The following GAREM2 variants were observed in gnomAD, a reference collection of about 807,000 sequenced individuals.
GAREM2 encodes the protein GRB2 associated regulator of MAPK1 subtype 2, also known as GRB2-associated and regulator of MAPK protein 2.
Under a neutral mutation model 55.6 loss-of-function variants are expected in GAREM2, and 30 were observed. The ratio of observed to expected loss-of-function variants is 0.54; its 90% CI spans 0.40 to 0.73. The LOEUF (loss-of-function observed/expected upper bound fraction) is 0.73. Among genes scored for constraint, GAREM2 ranks in the 30% least tolerant of loss-of-function variants. GAREM2 has a pLI of 0.00. For synonymous variants in GAREM2, 550 were observed against 569.1 expected (o/e 0.97, Z 0.48); for missense variants, 1,075 against 1,257.7 (o/e 0.85, Z 2.20).
At position 26,176,203 on chromosome 2, in the gene GAREM2, C is replaced by T. The variant is rs558626343; in HGVS notation, c.113-141C>T. On this transcript the variant is annotated intron_variant, in intron 1 of 5. Transcript: ENST00000401533. ...GCTGGCAGCCCGCCTGTCCCTTGAG[C>T]TTTGCTGACCTGGACAGGGATTGTG... 2.6e-5 allele frequency: 20 copies of T among 770,908 alleles called. No individual in the cohort carries two copies. The African/African-American group carries it at 3.5e-4, about 13-fold the overall frequency. 47.8% of individuals were successfully genotyped at this position (770,908 alleles called of 1,614,324 possible).
rs1215670578 is a variant in GAREM2 at position 26,188,121 on chromosome 2, T to G, written c.2489T>G (p.Phe830Cys). Residue 830 changes from phenylalanine (F) to cysteine (C), a missense_variant, in exon 6 of 6, where the codon TTC (phenylalanine) becomes TGC (cysteine). By Grantham distance (205) the Phe-to-Cys change is radical (BLOSUM62 -2). Coordinates refer to ENST00000401533, the MANE Select transcript of GAREM2 (RefSeq NM_001168241.2). ...GGGCTCTCAGAGGATGTGGTGAGCT[T>G]CTTTGCCCGAGAACGCATCGATGGT... is the stretch of plus-strand genomic sequence containing the variant. ...FIGLSEDVVS[F>C]FARERIDGSI... The G allele has an allele frequency of 3.2e-5, 49 of 1,551,352 alleles. 1 individual carries two copies. The Admixed American group carries it at 8.8e-4, about 28-fold the overall frequency.
intron 2 of GAREM2, chr2:26,182,070 A>T: frequency 1.9e-6 from 2 of 1,046,866 alleles, no homozygotes; most frequent in East Asian, 1.6e-4. Context: ...ATAAAGCTTG[A>T]GAAGAGGCCA....
the GAREM2 span, chr2:26,201,385 G>T: frequency 9.1e-7 from 1 of 1,103,906 alleles, no homozygotes. Context: ...GAATGTCCAT[G>T]GGCCAGAGCA....
chr2:26,183,190 C>CAAG (rs1669110913), intron 3 of GAREM2, 93 bp downstream of exon 3: 2 of 1,417,562 alleles, frequency 1.4e-6, no homozygotes, highest in African/African-American at 1.4e-5. Flanking sequence ...CCTCAGGATC[C>CAAG]AAGAAGGAGA....
chr2:26,191,708 C>A, downstream of GAREM2: 2 of 1,444,522 alleles, frequency 1.4e-6, no homozygotes, highest in South Asian at 2.3e-5. Flanking sequence ...GAATGGAAGT[C>A]GGGATGGGTG....
At chr2:26,182,266 G>A (rs891251253) in intron 2 of GAREM2, 61 of 1,431,520 alleles carry the variant, frequency 4.3e-5, no homozygotes, top group Middle Eastern at 2.6e-4. Flanking sequence ...CGCAGCCCCA[G>A]ACTGCAGGTT....
chr2:26,189,868 C>T (rs1669437761), downstream of GAREM2, among the ~76,000 whole-genome samples: 1 of 152,202 alleles, frequency 6.6e-6, no homozygotes, highest in African/African-American at 2.4e-5. Context: ...CAAGAACCCC[C>T]ACCCCAGCTT....
At chr2:26,178,497 G>A (rs1171252329) in intron 2 of GAREM2, among the ~76,000 whole-genome samples, 1 of 152,146 alleles carries the variant, frequency 6.6e-6, no homozygotes, top group African/African-American at 2.4e-5. Context: ...GCCAGGTGGG[G>A]GGGATCCCTT....
chr2:26,203,873 T>C, the GAREM2 span, among the ~76,000 whole-genome samples: 6 of 152,268 alleles, frequency 3.9e-5, no homozygotes, highest in Admixed American at 6.5e-5. Context: ...AAAGAAGGAA[T>C]TGGCATTTCT....
In GAREM2 at chr2:26,186,374, C is replaced by G; in HGVS notation, c.1598+16C>G. On this transcript the variant is annotated intron_variant, in intron 5 of 5. Coordinates refer to ENST00000401533, the MANE Select transcript of GAREM2 (RefSeq NM_001168241.2). ...TCCAGGATGGGTGAGTCCCTGCCTT[C>G]CCTTGGTCCTGAGTTCTAAGGTAGA... 6.4e-7 allele frequency: 1 copy of G among 1,550,784 alleles called. No homozygotes were observed. Among genetic ancestry groups the G allele is most frequent in the Non-Finnish European group, 8.7e-7 (1 of 1,146,106 alleles).
At chr2:26,182,289 T>C in intron 2 of GAREM2, 1 of 1,439,374 alleles carries the variant, frequency 6.9e-7, no homozygotes, top group Non-Finnish European at 9.1e-7. Flanking sequence ...GAAGGCCTAC[T>C]CTCAGGGAGG....
downstream of GAREM2, chr2:26,190,996 GC>G: frequency 5.3e-6 from 3 of 570,404 alleles, no homozygotes; most frequent in Non-Finnish European, 9.4e-6. Flanking sequence ...GCTCTTGGCT[GC>G]CACTCTAGGC....
intron 1 of GAREM2, among the ~76,000 whole-genome samples, chr2:26,173,919 G>A (rs1238318770): frequency 6.6e-6 from 1 of 152,140 alleles, no homozygotes; most frequent in Admixed American, 6.5e-5. Flanking sequence ...GCCCTCCCCC[G>A]AATCTTGTCC....
downstream of GAREM2, chr2:26,194,657 T>C (rs372878267): frequency 2.9e-5 from 45 of 1,537,028 alleles, no homozygotes; most frequent in African/African-American, 4.6e-4. Flanking sequence ...GAAGAGAACA[T>C]GAGCTCCCTG....
At chr2:26,178,822 G>C (rs938202613) in intron 2 of GAREM2, among the ~76,000 whole-genome samples, 7 of 151,444 alleles carry the variant, frequency 4.6e-5, no homozygotes, top group Admixed American at 4.6e-4. Flanking sequence ...GGTGGTCTTG[G>C]GGGGCGCGGC....
intron 3 of GAREM2, 95 bp downstream of exon 3, chr2:26,183,192 A>G: frequency 7.1e-7 from 1 of 1,407,528 alleles, no homozygotes; most frequent in Non-Finnish European, 9.7e-7. Context: ...TCAGGATCCA[A>G]GAAGGAGAGC....
At chr2:26,174,244 T>A (rs965909855) in intron 1 of GAREM2, among the ~76,000 whole-genome samples, 14 of 152,254 alleles carry the variant, frequency 9.2e-5, no homozygotes, top group Non-Finnish European at 1.9e-4. Flanking sequence ...GTGGGCACAG[T>A]GGGCGTCAGC....
Position 26,185,134 on chromosome 2 carries a change from A to G in GAREM2, c.1286A>G (p.Tyr429Cys). The stretch of plus-strand genomic sequence containing the variant: ...GCCGCGCCGCCCGCCGAGATCCCCT[A>G]CGAGGAGTTGTGGGCGCACCAGGGG... ...EPAAPPAEIP[Y>C]EELWAHQGPE... The change falls in exon 4 of 6, where the codon TAC becomes TGC. Residue 429 changes from tyrosine (Y) to cysteine (C), a missense_variant. Transcript: ENST00000401533. The G allele has an allele frequency of 2.0e-6, 3 of 1,486,198 alleles. No homozygotes were observed. The highest frequency in any genetic ancestry group is 2.7e-6 in the Non-Finnish European group (3 of 1,126,264). 92.1% of individuals were successfully genotyped at this position (1,486,198 alleles called of 1,614,324 possible). A position where few individuals can be genotyped will look rare whatever the true frequency, so the allele number is the denominator to read the frequency against.
Position 26,184,265 on chromosome 2 carries a change from G to A in GAREM2, c.417G>A (p.Glu139=), listed in dbSNP as rs1669145683. The A allele has an allele frequency of 1.9e-6, 3 of 1,550,860 alleles. No homozygotes were observed. In the African/African-American group the frequency reaches 4.1e-5, roughly 21 times the overall value. ...CGGGCGAGTTCAGCGAGGACAGCGA[G>A]GTGTACAACTTCACGCTGCATGCGG... ...VVSGEFSEDS[E]VYNFTLHAGD... is the part of the protein sequence containing the mutation. The change falls in exon 4 of 6, where the codon GAG becomes GAA. Residue 139 remains glutamate, a synonymous_variant. Transcript: ENST00000401533.
Sources: gnomAD v4.1 joint callset for allele counts (sites outside exome capture counted in the v4.1 genomes callset) on GRCh38, gnomAD v4.1.1 for gene constraint, MANE v1.5 for transcripts, NCBI Gene and HGNC (gene_info 2026-07-23, HGNC 2026-07-21) for gene names.